Variants in DSCAML1 observed in about 807,000 individuals in gnomAD.
DSCAML1 encodes the protein DS cell adhesion molecule like 1, also known as cell adhesion molecule DSCAML1.
DSCAML1 carries 38 observed loss-of-function variants against 200.5 expected under a neutral mutation model. That is an observed-to-expected ratio of 0.19 (90% CI 0.15 to 0.25). The LOEUF (loss-of-function observed/expected upper bound fraction) is 0.25. Ranked by LOEUF, DSCAML1 falls within the 10% of genes least tolerant of loss-of-function variation. The pLI is 1.00. For missense variants in DSCAML1, 2,223 were observed against 2,858.8 expected (o/e 0.78, Z 5.07); for synonymous variants, 1,215 against 1,165.0 (o/e 1.04, Z -0.87).
At chr11:117,769,549 TA>T (rs1565274374) in intron 3 of DSCAML1, among the ~76,000 whole-genome samples, 29 of 2,722 alleles carry the variant, frequency 0.011, 2 homozygotes, top group East Asian at 0.042. Flanking sequence ...TTATATATTT[TA>T]TATATATATT....
chr11:117,672,245 C>T (rs2053126073), intron 3 of DSCAML1, among the ~76,000 whole-genome samples: 1 of 152,106 alleles, frequency 6.6e-6, no homozygotes, highest in African/African-American at 2.4e-5. Context: ...GGATTACACT[C>T]AGGCCTCCTG....
chr11:117,435,102 G>A (rs2047886317), intron 27 of DSCAML1, among the ~76,000 whole-genome samples: 1 of 152,230 alleles, frequency 6.6e-6, no homozygotes, highest in Non-Finnish European at 1.5e-5. Flanking sequence ...ACTGTGTTAG[G>A]CTGTGGGAAA....
chr11:117,781,332 A>G (rs2055258430), intron 1 of DSCAML1, among the ~76,000 whole-genome samples: 1 of 152,112 alleles, frequency 6.6e-6, no homozygotes, highest in South Asian at 2.1e-4. Context: ...GAAAAGAGAA[A>G]AAAAGAAAAT....
chr11:117,682,442 A>G (rs899704378), intron 3 of DSCAML1, among the ~76,000 whole-genome samples: 2 of 152,094 alleles, frequency 1.3e-5, no homozygotes, highest in African/African-American at 2.4e-5. Context: ...GTTCCTGCCC[A>G]TCCTTCTTCC....
intron 3 of DSCAML1, among the ~76,000 whole-genome samples, chr11:117,588,819 C>A (rs898746636): frequency 6.6e-6 from 1 of 152,200 alleles, no homozygotes; most frequent in African/African-American, 2.4e-5. Context: ...TCCTGTCCCC[C>A]TCCTCTAAGC....
chr11:117,816,166 C>T (rs1179404854), intron 1 of DSCAML1, among the ~76,000 whole-genome samples: 3 of 152,210 alleles, frequency 2.0e-5, no homozygotes, highest in Non-Finnish European at 4.4e-5. Context: ...TGAGGCTCCT[C>T]CTGCAGCCAA....
At chr11:117,735,824 A>C (rs1051493554) in intron 3 of DSCAML1, among the ~76,000 whole-genome samples, 6 of 151,756 alleles carry the variant, frequency 4.0e-5, no homozygotes, top group Non-Finnish European at 8.8e-5. Flanking sequence ...CCCAAGCCCC[A>C]GGGCTCCTGG....
intron 3 of DSCAML1, among the ~76,000 whole-genome samples, chr11:117,534,105 C>G (rs1273094904): frequency 6.6e-6 from 1 of 152,226 alleles, no homozygotes; most frequent in Non-Finnish European, 1.5e-5. Context: ...CCCTTCTAGC[C>G]CTATTATTTA....
chr11:117,648,161 A>G (rs1321904298), intron 3 of DSCAML1, among the ~76,000 whole-genome samples: 1 of 152,108 alleles, frequency 6.6e-6, no homozygotes. Context: ...TTACGCACTC[A>G]TTCCCCCATC....
intron 3 of DSCAML1, among the ~76,000 whole-genome samples, chr11:117,743,815 T>C (rs2054467159): frequency 6.6e-6 from 1 of 152,234 alleles, no homozygotes; most frequent in Non-Finnish European, 1.5e-5. Context: ...ACCCGCAGCC[T>C]GCCTGTGACC....
intron 3 of DSCAML1, among the ~76,000 whole-genome samples, chr11:117,761,223 G>A (rs1365088156): frequency 6.6e-6 from 1 of 151,366 alleles, no homozygotes; most frequent in African/African-American, 2.4e-5. Context: ...CCCAGCCCCC[G>A]GAGAAGGCGT....
At chr11:117,793,472 C>G (rs987468033) in intron 1 of DSCAML1, among the ~76,000 whole-genome samples, 1 of 152,172 alleles carries the variant, frequency 6.6e-6, no homozygotes, top group Admixed American at 6.5e-5. Context: ...AGCAGGGTAC[C>G]AAGCAAGTGG....
intron 3 of DSCAML1, among the ~76,000 whole-genome samples, chr11:117,557,563 G>A (rs562422): frequency 0.21 from 32,344 of 152,164 alleles, 3,688 homozygotes; most frequent in East Asian, 0.42. Flanking sequence ...GGCCCCAGGC[G>A]TCAGCAAAGC....
chr11:117,783,585 C>T (rs2055300158), intron 1 of DSCAML1, among the ~76,000 whole-genome samples: 1 of 152,036 alleles, frequency 6.6e-6, no homozygotes, highest in South Asian at 2.1e-4. Flanking sequence ...TCATAACTCC[C>T]TCGGGGGTGT....
intron 3 of DSCAML1, among the ~76,000 whole-genome samples, chr11:117,616,575 G>A (rs965253865): frequency 2.0e-5 from 3 of 152,294 alleles, no homozygotes; most frequent in African/African-American, 7.2e-5. Context: ...ACATAAGGTT[G>A]AGCAAAAGAA....
rs750717030 is a variant in DSCAML1, at chr11:117,780,248, G to GA, written c.364+244dup. On this transcript the variant is annotated intron_variant, in intron 2 of 32. Coordinates refer to ENST00000651296, the MANE Select transcript of DSCAML1 (RefSeq NM_020693.4). This position sits in a 1 kb window ranked among gnomAD's most constrained non-coding sequence, Gnocchi z 4.8. ...GAAAGAAAGGAAAGAAAGAAAGAAA[G>GA]AAAGAAAGAAAGAAAGAAAGAAAGA... 1.3e-5 allele frequency among the ~76,000 whole-genome samples: 1 copy of GA among 76,670 alleles called. No homozygotes were observed. The highest frequency in any genetic ancestry group is 3.8e-4 in the East Asian group (1 of 2,634). 50.3% of individuals were successfully genotyped at this position (76,670 alleles called of 152,430 possible).
chr11:117,746,656 G>T lies in DSCAML1; in HGVS notation c.511+30135C>A, dbSNP rs552454423. Among the ~76,000 whole-genome samples, 47 of 152,320 alleles carry T rather than the reference G, an allele frequency of 3.1e-4. No homozygotes were observed. The South Asian group carries it at 9.5e-3, about 31-fold the overall frequency. ...CAGCTGCTGACACTCCCAGCTTCCA[G>T]TGTGCTACTGGCAACCTGGGACGAC... On this transcript the variant is annotated intron_variant, in intron 3 of 32. Transcript: ENST00000651296.
chr11:117,663,179 T>G (rs576051221), intron 3 of DSCAML1, among the ~76,000 whole-genome samples: 21 of 152,284 alleles, frequency 1.4e-4, no homozygotes, highest in Admixed American at 1.2e-3. Context: ...AAGCCAGCCT[T>G]CGATATCCTT....
At chr11:117,566,007 G>C (rs1162873628) in intron 3 of DSCAML1, among the ~76,000 whole-genome samples, 1 of 152,222 alleles carries the variant, frequency 6.6e-6, no homozygotes, top group Non-Finnish European at 1.5e-5. Context: ...GGTAGCCTAA[G>C]CCAGGTTCTC....
Sources: allele counts gnomAD v4.1 joint callset (sites outside exome capture counted in the v4.1 genomes callset), GRCh38; gene constraint gnomAD v4.1.1; non-coding constraint Gnocchi (gnomAD v3.1); transcripts MANE v1.5; gene names NCBI Gene and HGNC (gene_info 2026-07-23, HGNC 2026-07-21).